ASIC2: variants seen among roughly 807,000 people sequenced by gnomAD.
ASIC2 encodes the protein acid sensing ion channel subunit 2.
A neutral mutation model predicts 57.3 loss-of-function variants in ASIC2; 25 were observed. The ratio of observed to expected loss-of-function variants is 0.44; its 90% confidence interval spans 0.32 to 0.61. The LOEUF (loss-of-function observed/expected upper bound fraction) is 0.61. ASIC2 is among the 20% of genes least tolerant of loss of function. The pLI is 0.06. For synonymous variants in ASIC2, 319 were observed against 307.5 expected (o/e 1.04, Z -0.39); for missense variants, 641 against 738.1 (o/e 0.87, Z 1.52).
At chr17:33,505,981 T>C (rs1389375043) in intron 1 of ASIC2, among the ~76,000 whole-genome samples, 3 of 152,218 alleles carry the variant, frequency 2.0e-5, no homozygotes, top group Non-Finnish European at 4.4e-5. Context: ...AATCTCTGCA[T>C]ATAATATGTG....
At chr17:33,293,456 G>A (rs1218181039), upstream of ASIC2, among the ~76,000 whole-genome samples, 3 of 151,972 alleles carry the variant, frequency 2.0e-5, no homozygotes, top group South Asian at 6.2e-4. Context: ...CGGGGGTGGG[G>A]TGTGGTGGGG....
At chr17:33,744,830 AAT>A (rs1324639703) in intron 1 of ASIC2, among the ~76,000 whole-genome samples, 1 of 152,208 alleles carries the variant, frequency 6.6e-6, no homozygotes, top group Non-Finnish European at 1.5e-5. Flanking sequence ...CATCAAATGG[AAT>A]ATATCCAAAA....
At chr17:34,106,053 T>C (rs980371552) in intron 1 of ASIC2, among the ~76,000 whole-genome samples, 5 of 152,138 alleles carry the variant, frequency 3.3e-5, no homozygotes, top group African/African-American at 1.2e-4. Context: ...TAGTCTCGAA[T>C]GTTTCCACAG....
At chr17:33,101,828 C>A (rs186098585) in intron 2 of ASIC2, among the ~76,000 whole-genome samples, 2 of 152,116 alleles carry the variant, frequency 1.3e-5, no homozygotes, top group East Asian at 1.9e-4. Context: ...CTCTCTCTTG[C>A]GAAATAAATA....
At chr17:33,062,121 T>G (rs896939611) in intron 3 of ASIC2, among the ~76,000 whole-genome samples, 12 of 152,234 alleles carry the variant, frequency 7.9e-5, no homozygotes, top group Non-Finnish European at 1.6e-4. Flanking sequence ...AGCTCCTGGA[T>G]TCACTGATTT....
At chr17:34,099,812 T>A (rs949120067) in intron 1 of ASIC2, among the ~76,000 whole-genome samples, 48 of 150,716 alleles carry the variant, frequency 3.2e-4, no homozygotes, top group Admixed American at 1.7e-3. Flanking sequence ...GAAAAGAGAA[T>A]CTCATAGTAT....
intron 1 of ASIC2, among the ~76,000 whole-genome samples, chr17:33,813,955 G>C (rs1312001850): frequency 1.3e-5 from 2 of 152,048 alleles, no homozygotes; most frequent in African/African-American, 4.8e-5. Context: ...GTCTCTGTGG[G>C]GACATTCTCT....
At chr17:33,032,449 T>G (rs56922339) in intron 3 of ASIC2, among the ~76,000 whole-genome samples, 2,239 of 57,422 alleles carry the variant, frequency 0.039, 95 homozygotes, top group African/African-American at 0.094. Context: ...TGTTTTTTTT[T>G]TTTTTTTTTT....
intron 1 of ASIC2, among the ~76,000 whole-genome samples, chr17:33,959,949 T>C (rs1904866288): frequency 6.6e-6 from 1 of 152,224 alleles, no homozygotes; most frequent in Non-Finnish European, 1.5e-5. Context: ...AATGTCTCCT[T>C]TTTGTGGCCC....
At chr17:33,759,636 C>T (rs1910719085) in intron 1 of ASIC2, among the ~76,000 whole-genome samples, 1 of 152,140 alleles carries the variant, frequency 6.6e-6, no homozygotes, top group African/African-American at 2.4e-5. Flanking sequence ...AGAATGGTTT[C>T]AGGGGACAAG....
chr17:33,267,760 A>G (rs1476518399), intron 1 of ASIC2, among the ~76,000 whole-genome samples: 4 of 152,218 alleles, frequency 2.6e-5, no homozygotes, highest in Non-Finnish European at 5.9e-5. Context: ...GGGGAGGGAC[A>G]GGATACCCAG....
intron 1 of ASIC2, among the ~76,000 whole-genome samples, chr17:33,240,522 C>T (rs556171918): frequency 4.5e-4 from 68 of 152,298 alleles, no homozygotes; most frequent in Admixed American, 1.8e-3. Context: ...CAAATATTGG[C>T]CTCATCTCCA....
At chr17:33,193,818 C>T (rs976751464) in intron 1 of ASIC2, among the ~76,000 whole-genome samples, 11 of 152,214 alleles carry the variant, frequency 7.2e-5, no homozygotes, top group African/African-American at 2.7e-4. Flanking sequence ...TGGGTCTACA[C>T]TGTCTTGGGA....
At chr17:33,672,216 T>C (rs1216984414) in intron 1 of ASIC2, among the ~76,000 whole-genome samples, 3 of 152,142 alleles carry the variant, frequency 2.0e-5, no homozygotes, top group Admixed American at 2.0e-4. Flanking sequence ...AGACAGCTTT[T>C]CCCATTTGAG....
intron 1 of ASIC2, among the ~76,000 whole-genome samples, chr17:34,076,759 C>G (rs1909675820): frequency 6.6e-6 from 1 of 152,164 alleles, no homozygotes; most frequent in African/African-American, 2.4e-5. Flanking sequence ...CTTTCTGACT[C>G]CATGAGGCTC....
intron 3 of ASIC2, among the ~76,000 whole-genome samples, chr17:33,056,897 C>A (rs114769823): frequency 1.3e-5 from 2 of 152,166 alleles, no homozygotes; most frequent in Admixed American, 1.3e-4. Flanking sequence ...AAGCTACTGA[C>A]CATCTGTTGA....
rs573410747 is a variant in ASIC2, at chr17:33,314,934, C to T, written c.556-202867G>A. Among the ~76,000 whole-genome samples, 5 of 152,182 alleles carry T rather than the reference C, an allele frequency of 3.3e-5. No individual in the cohort carries two copies. The South Asian group carries it at 8.3e-4, about 25-fold the overall frequency. ...GGAGGTAGGGAGGCTGCATGAGACA[C>T]ACAGTCTTGCCTCATTTCAAAGGGA... is the stretch of plus-strand genomic sequence containing the variant. On this transcript the variant is annotated intron_variant, in intron 1 of 9. Coordinates refer to the ASIC2 transcript ENST00000359872.
At chr17:33,521,669 T>C (rs1393179104) in intron 1 of ASIC2, among the ~76,000 whole-genome samples, 2 of 152,078 alleles carry the variant, frequency 1.3e-5, no homozygotes, top group Non-Finnish European at 2.9e-5. Flanking sequence ...TAGTCTACAG[T>C]GCGGGTGGAT....
chr17:33,072,558 A>G (rs2092073539), intron 3 of ASIC2, among the ~76,000 whole-genome samples: 1 of 152,244 alleles, frequency 6.6e-6, no homozygotes, highest in East Asian at 1.9e-4. Flanking sequence ...AAAGAGTGAC[A>G]TAGCTGCTTC....
Sources: gnomAD v4.1 joint callset for allele counts (sites outside exome capture counted in the v4.1 genomes callset) on GRCh38, gnomAD v4.1.1 for gene constraint, MANE v1.5 for transcripts, NCBI Gene and HGNC (gene_info 2026-07-23, HGNC 2026-07-21) for gene names.